Variants in BRF1 observed in about 807,000 individuals in gnomAD.
The protein encoded by BRF1 is BRF1 general transcription factor IIIB subunit, also known as transcription factor IIIB 90 kDa subunit.
BRF1 carries 59 observed loss-of-function variants against 81.7 expected under a neutral mutation model. The observed-to-expected ratio is 0.72, with a 90% CI of 0.59 to 0.90. The LOEUF (loss-of-function observed/expected upper bound fraction) is 0.90, where lower values mean the gene tolerates loss of function less well. Among genes scored for constraint, BRF1 ranks in the 40% least tolerant of loss-of-function variants. The probability of loss-of-function intolerance (pLI) is 0.00; values close to 1 mark genes in which losing one functional copy is unlikely to be tolerated. For missense variants in BRF1, 1,050 were observed against 936.3 expected, an observed-to-expected ratio of 1.12 and a Z score of -1.58; for synonymous variants, 491 against 395.6, an observed-to-expected ratio of 1.24 and a Z score of -2.86.
At chr14:105,289,118 A>C (rs1248471635) in intron 1 of BRF1, among the ~76,000 whole-genome samples, 8 of 151,826 alleles carry the variant, frequency 5.3e-5, no homozygotes, top group Non-Finnish European at 1.2e-4. Flanking sequence ...AGGCTGAGGC[A>C]GGAAGACTGC....
At chr14:105,245,484 A>G (rs1349674076) in intron 5 of BRF1, among the ~76,000 whole-genome samples, 1 of 152,236 alleles carries the variant, frequency 6.6e-6, no homozygotes, top group African/African-American at 2.4e-5. Flanking sequence ...AAAGAAGCAA[A>G]TAAATTACCA....
intron 4 of BRF1, 81 bp downstream of exon 4, chr14:105,256,437 G>T (rs150175369): frequency 6.2e-7 from 1 of 1,613,758 alleles, no homozygotes; most frequent in Non-Finnish European, 8.5e-7. Flanking sequence ...GGCACCTGGG[G>T]TACACCCCGG....
At chr14:105,248,982 CCCGCGCCAGCGCCG>C in intron 5 of BRF1, 5 of 986,472 alleles carry the variant, frequency 5.1e-6, no homozygotes, top group Non-Finnish European at 6.0e-6. Context: ...GCCCAGCGCC[CCCGCGCCAGCGCCG>C]CCGCCGCCCG....
chr14:105,241,273 C>G lies in BRF1; in HGVS notation c.686G>C (p.Cys229Ser). 6.2e-7 allele frequency: 1 copy of G among 1,611,782 alleles called. No homozygotes were observed. The highest frequency in any genetic ancestry group is 2.2e-5 in the East Asian group (1 of 44,888). Residue 229 changes from cysteine to serine, a missense_variant, in exon 6 of 18, where the codon TGC (cysteine) becomes TCC (serine). Around this residue, in one of 2 missense-constraint regions of BRF1, gnomAD observed 1,043 missense variants for 915.4 expected, o/e 1.14. Transcript: ENST00000547530. ...GGCAGGGCCCGCTGTACCTGCTCCG[C>G]AGAGGCCCGAGGGGCGCCGGCCTGT... ...MHTGRRPSGL[C>S]GAALLVAARM...
intron 15 of BRF1, among the ~76,000 whole-genome samples, chr14:105,214,832 C>T (rs1051719071): frequency 1.3e-5 from 2 of 152,204 alleles, no homozygotes; most frequent in African/African-American, 4.8e-5. Context: ...ACCACCCCTC[C>T]CCACGTCGGA....
intron 3 of BRF1, among the ~76,000 whole-genome samples, chr14:105,267,038 G>A (rs1041289646): frequency 3.3e-5 from 5 of 152,204 alleles, no homozygotes; most frequent in East Asian, 1.9e-4. Flanking sequence ...GTGAGATCCT[G>A]TCTCATGAAA....
intron 1 of BRF1, among the ~76,000 whole-genome samples, chr14:105,290,676 C>T (rs1330198273): frequency 6.6e-6 from 1 of 152,144 alleles, no homozygotes; most frequent in African/African-American, 2.4e-5. Context: ...CTGCATGCGT[C>T]AGCAGCTCCA....
intron 6 of BRF1, among the ~76,000 whole-genome samples, chr14:105,229,628 TCGCCCAGC>T (rs2054402717): frequency 1.3e-5 from 2 of 151,070 alleles, no homozygotes; most frequent in Non-Finnish European, 1.5e-5. Context: ...ACTAGAACAG[TCGCCCAGC>T]TGGGGGCGGG....
intron 1 of BRF1, among the ~76,000 whole-genome samples, chr14:105,291,735 C>T (rs183932966): frequency 6.6e-6 from 1 of 151,334 alleles, no homozygotes; most frequent in African/African-American, 2.4e-5. Flanking sequence ...TGGTGGCTCA[C>T]GCCTGTAATC....
At chr14:105,219,855 G>C in intron 12 of BRF1, 1 of 597,898 alleles carries the variant, frequency 1.7e-6, no homozygotes, top group Non-Finnish European at 3.0e-6. Flanking sequence ...CAAAGCCAGG[G>C]GCCTCTCGAC....
chr14:105,255,470 G>A (rs1373947833), intron 4 of BRF1, among the ~76,000 whole-genome samples: 1 of 152,252 alleles, frequency 6.6e-6, no homozygotes, highest in Non-Finnish European at 1.5e-5. Flanking sequence ...AGGACCAGAG[G>A]TGGCAGCACA....
At chr14:105,222,184 A>T in intron 10 of BRF1, 1 of 418,396 alleles carries the variant, frequency 2.4e-6, no homozygotes, top group Non-Finnish European at 4.2e-6. Flanking sequence ...ACCTTGGATA[A>T]GGCAAACATT....
Position 105,228,817 on chromosome 14 carries a change from C to G in BRF1, c.788+3G>C. ...CCCCATGCCATGAATGAGAGCCCCTCACCTCTTCCGCAGCGTGGACTCACA... is the reference window on the plus strand; with the variant it reads ...CCCCATGCCATGAATGAGAGCCCCTGACCTCTTCCGCAGCGTGGACTCACA... On this transcript the variant is annotated splice_donor_region_variant and intron_variant, in intron 7 of 17. Coordinates refer to ENST00000547530, the MANE Select transcript of BRF1 (RefSeq NM_001519.4). 6.2e-7 allele frequency: 1 copy of G among 1,613,828 alleles called. No homozygotes were observed. Among genetic ancestry groups the G allele is most frequent in the Non-Finnish European group, 8.5e-7 (1 of 1,179,982 alleles).
intron 3 of BRF1, among the ~76,000 whole-genome samples, chr14:105,264,932 T>C (rs2056334542): frequency 6.6e-6 from 1 of 151,896 alleles, no homozygotes. Context: ...AAGGCTAATA[T>C]ATGGAGTCCC....
chr14:105,293,770 C>T (rs587614405), intron 1 of BRF1, among the ~76,000 whole-genome samples: 1 of 152,314 alleles, frequency 6.6e-6, no homozygotes, highest in African/African-American at 2.4e-5. Flanking sequence ...GTGGTTTCCC[C>T]CGTGGGGCCT....
At chr14:105,291,855 G>A (rs886316632) in intron 1 of BRF1, among the ~76,000 whole-genome samples, 27 of 151,784 alleles carry the variant, frequency 1.8e-4, no homozygotes, top group African/African-American at 5.6e-4. Flanking sequence ...AAAATTAGCC[G>A]GGCATGGTGG....
intron 5 of BRF1, chr14:105,248,625 G>T (rs868300982): frequency 1.0e-6 from 1 of 978,964 alleles, no homozygotes. Flanking sequence ...GCCGGGCTGC[G>T]CTAGGCTGGG....
intron 5 of BRF1, chr14:105,250,213 C>T (rs371770383): frequency 2.5e-5 from 40 of 1,612,828 alleles, no homozygotes; most frequent in African/African-American, 1.9e-4. Flanking sequence ...GGAAGGGCCT[C>T]GCCCCGCAGA....
Position 105,219,235 on chromosome 14 carries a change from G to A in BRF1, c.1378-3C>T. The A allele has an allele frequency of 6.2e-7, 1 of 1,610,860 alleles. No homozygotes were observed. Among genetic ancestry groups the A allele is most frequent in the Non-Finnish European group, 8.5e-7 (1 of 1,177,640 alleles). On this transcript the variant is annotated splice_polypyrimidine_tract_variant and splice_region_variant and intron_variant, in intron 12 of 17. Transcript: ENST00000547530. ...GCTTCCGACTCATTCAGGATGTACT[G>A]GGCGAGCACAGGGAAGTGGGGCTGG...
Sources: gnomAD v4.1 joint callset for allele counts (sites outside exome capture counted in the v4.1 genomes callset) on GRCh38, gnomAD v4.1.1 for gene constraint, gnomAD v4.1.1 regional missense constraint, MANE v1.5 for transcripts, NCBI Gene and HGNC (gene_info 2026-07-23, HGNC 2026-07-21) for gene names.